The following ATP2B4 variants were observed in gnomAD, a reference collection of about 807,000 sequenced individuals.
The protein encoded by ATP2B4 is ATPase plasma membrane Ca2+ transporting 4, also known as plasma membrane calcium-transporting ATPase 4.
In ATP2B4, 39 loss-of-function variants were observed where a neutral mutation model predicts 110.3. That is an observed-to-expected ratio of 0.35 (90% CI 0.27 to 0.46). The LOEUF (loss-of-function observed/expected upper bound fraction) is 0.46. ATP2B4 is among the 20% of genes least tolerant of loss of function. ATP2B4 has a pLI of 1.00. For synonymous variants in ATP2B4, 538 were observed against 571.7 expected, an observed-to-expected ratio of 0.94 and a Z score of 0.84; for missense variants, 1,135 against 1,530.9, an observed-to-expected ratio of 0.74 and a Z score of 4.32.
intron 9 of ATP2B4, 140 bp downstream of exon 9, chr1:203,707,363 A>G: frequency 2.8e-6 from 2 of 714,772 alleles, no homozygotes; most frequent in Non-Finnish European, 4.5e-6. Context: ...AGTCCCTGGT[A>G]TTATGGAAGG....
At chr1:203,700,026 T>G (rs1665644800) in intron 4 of ATP2B4, among the ~76,000 whole-genome samples, 180 bp from the exon 5 acceptor site, 1 of 152,124 alleles carries the variant, frequency 6.6e-6, no homozygotes, top group African/African-American at 2.4e-5. Flanking sequence ...AAAGCAACCT[T>G]CTCCCAGATT....
chr1:203,704,042 C>A (rs1269398053), intron 8 of ATP2B4, among the ~76,000 whole-genome samples: 1 of 152,132 alleles, frequency 6.6e-6, no homozygotes, highest in Non-Finnish European at 1.5e-5. Flanking sequence ...GCCCTGAGAT[C>A]TCTTAATCCA....
chr1:203,631,547 G>A (rs767175056), intron 1 of ATP2B4, among the ~76,000 whole-genome samples: 27 of 152,256 alleles, frequency 1.8e-4, no homozygotes, highest in South Asian at 2.1e-4. Flanking sequence ...CCTAGGTTGC[G>A]AAATCAATGC....
At chr1:203,707,656 T>G (rs1358085465) in intron 9 of ATP2B4, among the ~76,000 whole-genome samples, 1 of 152,118 alleles carries the variant, frequency 6.6e-6, no homozygotes, top group Non-Finnish European at 1.5e-5. Flanking sequence ...GTCTTGAACT[T>G]CTGACCTCAG....
At chr1:203,639,192 A>T (rs916876116) in intron 1 of ATP2B4, among the ~76,000 whole-genome samples, 1 of 152,302 alleles carries the variant, frequency 6.6e-6, no homozygotes, top group South Asian at 2.1e-4. Flanking sequence ...CTGAGCTCTG[A>T]TTTGGGATCT....
At chr1:203,638,274 G>T (rs1438814865) in intron 1 of ATP2B4, among the ~76,000 whole-genome samples, 7 of 152,200 alleles carry the variant, frequency 4.6e-5, no homozygotes, top group African/African-American at 1.7e-4. Context: ...GCCAGTACCG[G>T]TACTGTGGGC....
rs753702091 is a variant in ATP2B4 at position 203,721,423 on chromosome 1, G to C, written c.2812+13G>C. The C allele has an allele frequency of 1.7e-5, 27 of 1,612,796 alleles. No homozygotes were observed. Among genetic ancestry groups the C allele is most frequent in the Non-Finnish European group, 2.2e-5 (26 of 1,179,096 alleles). On this transcript the variant is annotated intron_variant, in intron 17 of 20. Transcript: ENST00000357681. Reference sequence around the variant, plus strand: ...CTTGTCTTTGCGGGTGAGCCACTTTGGGGGTGGGTAGCAGCTGGGGTCCTG... The same window carrying C: ...CTTGTCTTTGCGGGTGAGCCACTTTCGGGGTGGGTAGCAGCTGGGGTCCTG...
intron 1 of ATP2B4, among the ~76,000 whole-genome samples, chr1:203,650,252 T>TC (rs1203532268): frequency 6.6e-6 from 1 of 152,040 alleles, no homozygotes; most frequent in Non-Finnish European, 1.5e-5. Flanking sequence ...TGCTGAGAAG[T>TC]CGGCTGAGCC....
chr1:203,691,334 G>T (rs1394563452), intron 2 of ATP2B4, among the ~76,000 whole-genome samples: 1 of 152,230 alleles, frequency 6.6e-6, no homozygotes, highest in Non-Finnish European at 1.5e-5. Flanking sequence ...GGGTGAAGCA[G>T]ATACTGCATC....
At chr1:203,722,899 A>G (rs1188192622) in intron 18 of ATP2B4, among the ~76,000 whole-genome samples, 1 of 152,238 alleles carries the variant, frequency 6.6e-6, no homozygotes. Context: ...AGTGCAGGGC[A>G]GCATGTTGAC....
intron 20 of ATP2B4, among the ~76,000 whole-genome samples, chr1:203,730,926 ACATCAGC>A (rs1451872347): frequency 6.6e-6 from 1 of 152,178 alleles, no homozygotes; most frequent in Non-Finnish European, 1.5e-5. Context: ...TCCGCTCCCA[ACATCAGC>A]CCTTCAGCCT....
At chr1:203,641,383 T>C (rs1235106496) in intron 1 of ATP2B4, among the ~76,000 whole-genome samples, 1 of 152,168 alleles carries the variant, frequency 6.6e-6, no homozygotes, top group African/African-American at 2.4e-5. Context: ...ATCTTTTTCA[T>C]CAGGTCTAGG....
At chr1:203,677,359 C>A (rs2102353132) in intron 1 of ATP2B4, among the ~76,000 whole-genome samples, 1 of 152,266 alleles carries the variant, frequency 6.6e-6, no homozygotes, top group South Asian at 2.1e-4. Context: ...AATCCCACAT[C>A]CCTGTTCCTG....
At chr1:203,630,655 T>C (rs1388708038) in intron 1 of ATP2B4, among the ~76,000 whole-genome samples, 1 of 152,198 alleles carries the variant, frequency 6.6e-6, no homozygotes, top group Non-Finnish European at 1.5e-5. Flanking sequence ...TCAGGCAATC[T>C]GAATTCTTCC....
At position 203,723,420 on chromosome 1, in the gene ATP2B4, A is replaced by C. The variant is rs796649871; in HGVS notation, c.3025-461A>C. On this transcript the variant is annotated intron_variant, in intron 18 of 20. Transcript: ENST00000357681. ...TTTTTTTTTTTCGTTTGAGACAGAT[A>C]TCTCTCTCTCTCTCTCTCTCTCTCT... Among the ~76,000 whole-genome samples, 253 of 44,562 alleles carry C rather than the reference A, an allele frequency of 5.7e-3. 7 individuals are homozygous for C. The highest frequency in any genetic ancestry group is 0.019 in the South Asian group (20 of 1,046). The allele number at this position is 44,562 out of a possible 152,430, so 29.2% of individuals were successfully genotyped here.
At chr1:203,703,916 T>A in intron 8 of ATP2B4, 103 bp downstream of exon 8, 1 of 1,418,348 alleles carries the variant, frequency 7.1e-7, no homozygotes, top group Non-Finnish European at 9.4e-7. Flanking sequence ...AGAAAGAAGC[T>A]GAAACTTCAG....
intron 1 of ATP2B4, chr1:203,657,635 C>CT (rs1341521477): frequency 3.3e-6 from 3 of 902,930 alleles, no homozygotes; most frequent in Admixed American, 1.7e-5. Flanking sequence ...GCTTTGCCTT[C>CT]TTTGAACGTT....
intron 20 of ATP2B4, chr1:203,733,262 A>G (rs747531359): frequency 6.2e-7 from 1 of 1,613,820 alleles, no homozygotes; most frequent in Non-Finnish European, 8.5e-7. Flanking sequence ...AGCCTCTTTT[A>G]AGGGAGTCCT....
At chr1:203,702,146 A>G in intron 7 of ATP2B4, 67 bp downstream of exon 7, 1 of 1,572,154 alleles carries the variant, frequency 6.4e-7, no homozygotes, top group Non-Finnish European at 8.7e-7. Flanking sequence ...TTTCCAGGCC[A>G]TCTTCCTTCT....
Sources: allele counts gnomAD v4.1 joint callset (sites outside exome capture counted in the v4.1 genomes callset), GRCh38; gene constraint gnomAD v4.1.1; transcripts MANE v1.5; gene names NCBI Gene and HGNC (gene_info 2026-07-23, HGNC 2026-07-21).